Variants in SYNPO2 observed in about 807,000 individuals in gnomAD.
SYNPO2 encodes synaptopodin 2, also known as synaptopodin-2.
A neutral mutation model predicts 85.0 loss-of-function variants in SYNPO2; 56 were observed. The observed-to-expected ratio is 0.66, with a 90% CI of 0.53 to 0.82. The LOEUF is 0.82. Ranked by LOEUF, SYNPO2 falls within the 40% of genes least tolerant of loss-of-function variation. The probability of loss-of-function intolerance (pLI) is 0.00; values close to 1 mark genes in which losing one functional copy is unlikely to be tolerated. For missense variants in SYNPO2, 1,575 were observed against 1,534.2 expected (o/e 1.03, Z -0.44); for synonymous variants, 602 against 591.1 (o/e 1.02, Z -0.27).
chr4:118,927,881 C>T (rs1179768974), intron 1 of SYNPO2, among the ~76,000 whole-genome samples: 1 of 152,106 alleles, frequency 6.6e-6, no homozygotes, highest in Non-Finnish European at 1.5e-5. Context: ...ATGTGTTGTA[C>T]TGGCATTATA....
intron 4 of SYNPO2, 123 bp downstream of exon 4, chr4:119,032,150 T>C: frequency 1.3e-6 from 2 of 1,488,276 alleles, no homozygotes; most frequent in Non-Finnish European, 1.8e-6. Context: ...AGTCCTCAAC[T>C]TACTTAATTT....
chr4:119,053,222 C>T (rs1739106499), intron 4 of SYNPO2, among the ~76,000 whole-genome samples: 1 of 152,198 alleles, frequency 6.6e-6, no homozygotes, highest in African/African-American at 2.4e-5. Flanking sequence ...CACCAAAAAA[C>T]ACTGTGAAAA....
intron 1 of SYNPO2, among the ~76,000 whole-genome samples, chr4:118,857,580 T>A (rs1006167083): frequency 5.6e-4 from 85 of 152,262 alleles, no homozygotes; most frequent in Non-Finnish European, 9.4e-4. Context: ...AGAATTTTTT[T>A]TAAAAAAATC....
chr4:119,037,102 T>C (rs1738547614), intron 4 of SYNPO2: 1 of 1,536,964 alleles, frequency 6.5e-7, no homozygotes, highest in Non-Finnish European at 8.8e-7. Flanking sequence ...TTATGTGTGC[T>C]CTGTGACAGG....
At chr4:118,973,874 C>A (rs1735630181) in intron 1 of SYNPO2, among the ~76,000 whole-genome samples, 1 of 152,214 alleles carries the variant, frequency 6.6e-6, no homozygotes, top group South Asian at 2.1e-4. Context: ...ACAAACCCCA[C>A]TGAAATAAGC....
intron 1 of SYNPO2, among the ~76,000 whole-genome samples, chr4:118,971,192 T>C (rs1735527799): frequency 1.3e-5 from 2 of 152,222 alleles, no homozygotes; most frequent in Admixed American, 6.5e-5. Flanking sequence ...TGTCTTAAGT[T>C]AGCTGTTTTG....
chr4:119,022,578 A>G (rs1435439269), intron 1 of SYNPO2, among the ~76,000 whole-genome samples: 1 of 145,124 alleles, frequency 6.9e-6, no homozygotes, highest in African/African-American at 2.6e-5. Context: ...CTGGTCTCAA[A>G]CTGCTGAGCT....
At position 119,035,894 on chromosome 4, in the gene SYNPO2, C is replaced by T. The variant is rs188960348; in HGVS notation, c.3252+3867C>T. 14 of 984,634 alleles carry T rather than the reference C, an allele frequency of 1.4e-5. No individual in the cohort carries two copies. In the Admixed American group the frequency reaches 8.0e-4, roughly 56 times the overall value. The allele number at this position is 984,634 out of a possible 1,614,324, so 61.0% of individuals were successfully genotyped here. On this transcript the variant is annotated intron_variant, in intron 4 of 4. Transcript: ENST00000307142. Reference sequence around the variant, plus strand: ...GTATGTGAGACCATTTTCCTATTTGCAGTTACAAGGTTAAAGAACTTTGAA... The same window carrying T: ...GTATGTGAGACCATTTTCCTATTTGTAGTTACAAGGTTAAAGAACTTTGAA...
At chr4:119,028,349 A>G (rs1738069213) in intron 3 of SYNPO2, among the ~76,000 whole-genome samples, 4 of 152,064 alleles carry the variant, frequency 2.6e-5, no homozygotes, top group Non-Finnish European at 4.4e-5. Context: ...TAGGATATTA[A>G]GTCTTCTAAC....
At chr4:119,018,223 T>C (rs940655620) in intron 1 of SYNPO2, among the ~76,000 whole-genome samples, 2 of 152,142 alleles carry the variant, frequency 1.3e-5, no homozygotes, top group Admixed American at 6.6e-5. Flanking sequence ...ACATGGCTTG[T>C]TTCACTTAAG....
chr4:119,026,974 C>T lies in SYNPO2; in HGVS notation c.605C>T (p.Ser202Phe), dbSNP rs201293157. The change falls in exon 3 of 5, where the codon TCC (serine) becomes TTC (phenylalanine). Residue 202 changes from serine to phenylalanine, a missense_variant. Transcript: ENST00000307142. The part of the protein sequence containing the change: ...QPGPVVELQL[S>F]LSQERHKGAS... ...GGGCCTGTGGTTGAGCTGCAACTGT[C>T]CCTTTCACAGGAGAGACATAAGGGC... 6.8e-5 allele frequency: 110 copies of T among 1,614,152 alleles called. No individual in the cohort carries two copies. The highest frequency in any genetic ancestry group is 5.3e-4 in the Admixed American group (32 of 60,012).
At chr4:118,853,533 C>G (rs1731455965) in intron 1 of SYNPO2, among the ~76,000 whole-genome samples, 1 of 132,652 alleles carries the variant, frequency 7.5e-6, no homozygotes, top group Non-Finnish European at 1.8e-5. Flanking sequence ...CTCATCTTAA[C>G]CCATATAAAG....
chr4:118,949,876 C>A (rs1229354334), intron 1 of SYNPO2, among the ~76,000 whole-genome samples: 1 of 152,086 alleles, frequency 6.6e-6, no homozygotes, highest in Non-Finnish European at 1.5e-5. Flanking sequence ...ATACAAATCA[C>A]AAATATAATT....
At chr4:118,878,932 T>G (rs1354550958) in intron 1 of SYNPO2, among the ~76,000 whole-genome samples, 1 of 152,180 alleles carries the variant, frequency 6.6e-6, no homozygotes, top group African/African-American at 2.4e-5. Flanking sequence ...GCTGTTCAGT[T>G]TTTGGGTCCG....
At chr4:118,896,177 T>G (rs749500715) in intron 1 of SYNPO2, among the ~76,000 whole-genome samples, 18 of 152,216 alleles carry the variant, frequency 1.2e-4, no homozygotes, top group Non-Finnish European at 1.9e-4. Context: ...TTGCAATGAC[T>G]TTAATACAGA....
chr4:118,948,944 A>T (rs1202415332), intron 1 of SYNPO2, among the ~76,000 whole-genome samples: 1 of 152,232 alleles, frequency 6.6e-6, no homozygotes, highest in Non-Finnish European at 1.5e-5. Flanking sequence ...GTGGTGAAGG[A>T]TCTTCCTTAA....
chr4:119,009,721 C>T (rs1056986541), intron 1 of SYNPO2, among the ~76,000 whole-genome samples: 3 of 152,308 alleles, frequency 2.0e-5, no homozygotes, highest in African/African-American at 7.2e-5. Context: ...AAGCAGGGTT[C>T]TGTACTTTGA....
intron 1 of SYNPO2, among the ~76,000 whole-genome samples, chr4:118,941,748 T>A (rs1168123563): frequency 6.6e-6 from 1 of 152,214 alleles, no homozygotes; most frequent in African/African-American, 2.4e-5. Flanking sequence ...CTAAGCTTTT[T>A]ATGACTTACA....
intron 1 of SYNPO2, among the ~76,000 whole-genome samples, chr4:118,966,215 A>G (rs966254848): frequency 6.6e-6 from 1 of 152,210 alleles, no homozygotes; most frequent in African/African-American, 2.4e-5. Flanking sequence ...GAGTGGATAG[A>G]AAGAAACGGG....
Sources: allele counts gnomAD v4.1 joint callset (sites outside exome capture counted in the v4.1 genomes callset), GRCh38; gene constraint gnomAD v4.1.1; transcripts MANE v1.5; gene names NCBI Gene and HGNC (gene_info 2026-07-23, HGNC 2026-07-21).